SNTG1: variants seen among roughly 807,000 people sequenced by gnomAD.
SNTG1 encodes gamma-1-syntrophin.
SNTG1 carries 39 observed loss-of-function variants against 74.7 expected under a neutral mutation model. The ratio of observed to expected loss-of-function variants is 0.52; its 90% CI spans 0.40 to 0.68. SNTG1 has a LOEUF of 0.68. SNTG1 is among the 30% of genes least tolerant of loss of function. SNTG1 has a pLI of 0.00. For synonymous variants in SNTG1, 254 were observed against 217.1 expected (o/e 1.17, Z -1.49); for missense variants, 685 against 609.5 (o/e 1.12, Z -1.30).
chr8:50,622,546 T>C (rs2094930003), intron 13 of SNTG1, among the ~76,000 whole-genome samples: 1 of 152,196 alleles, frequency 6.6e-6, no homozygotes, highest in African/African-American at 2.4e-5. Context: ...TAGGGTAAAC[T>C]ATAAGTTCTC....
At chr8:50,078,378 G>A (rs1822094617) in intron 1 of SNTG1, among the ~76,000 whole-genome samples, 1 of 151,820 alleles carries the variant, frequency 6.6e-6, no homozygotes, top group South Asian at 2.1e-4. Context: ...CTTCTTCCCG[G>A]CATTCCATGA....
intron 10 of SNTG1, among the ~76,000 whole-genome samples, chr8:50,536,322 T>A (rs1385242800): frequency 6.6e-6 from 1 of 151,720 alleles, no homozygotes; most frequent in African/African-American, 2.4e-5. Flanking sequence ...TTTTATTTCT[T>A]CACTTAATTG....
chr8:50,276,146 C>G (rs753065557), intron 2 of SNTG1, among the ~76,000 whole-genome samples: 8 of 152,174 alleles, frequency 5.3e-5, no homozygotes, highest in Middle Eastern at 3.4e-3. Flanking sequence ...ACTAGGGAGA[C>G]AGCTGTGATT....
At chr8:50,299,716 C>T (rs1205433558) in intron 2 of SNTG1, among the ~76,000 whole-genome samples, 1 of 151,946 alleles carries the variant, frequency 6.6e-6, no homozygotes, top group East Asian at 1.9e-4. Flanking sequence ...TTGTACTAAA[C>T]CTTGTCTGTA....
At chr8:50,685,096 C>G (rs1161067154) in intron 15 of SNTG1, among the ~76,000 whole-genome samples, 1 of 151,682 alleles carries the variant, frequency 6.6e-6, no homozygotes. Flanking sequence ...TAAGCCATGA[C>G]GTGTAGATAG....
intron 1 of SNTG1, among the ~76,000 whole-genome samples, chr8:49,924,930 G>A (rs886536773): frequency 6.6e-6 from 1 of 151,926 alleles, no homozygotes; most frequent in Non-Finnish European, 1.5e-5. Context: ...CAGGAGGATC[G>A]CTTGAGGCCA....
chr8:50,302,562 C>A (rs2089698265), intron 2 of SNTG1, among the ~76,000 whole-genome samples: 1 of 152,048 alleles, frequency 6.6e-6, no homozygotes, highest in Non-Finnish European at 1.5e-5. Context: ...AGTGAATTTT[C>A]TTGAATAAAT....
intron 2 of SNTG1, among the ~76,000 whole-genome samples, chr8:50,381,592 G>GTGTGTATA (rs1217355515): frequency 7.2e-4 from 71 of 98,008 alleles, no homozygotes; most frequent in Non-Finnish European, 1.2e-3. Context: ...GTGTGTGTGT[G>GTGTGTATA]TATATATATA....
intron 15 of SNTG1, among the ~76,000 whole-genome samples, chr8:50,683,288 T>C (rs752583847): frequency 1.1e-4 from 16 of 152,188 alleles, no homozygotes; most frequent in Non-Finnish European, 1.8e-4. Flanking sequence ...GAAAGTTATT[T>C]GTATTTGCTT....
chr8:50,660,618 C>A (rs531549905), intron 15 of SNTG1, among the ~76,000 whole-genome samples: 1 of 152,048 alleles, frequency 6.6e-6, no homozygotes, highest in Non-Finnish European at 1.5e-5. Flanking sequence ...AGTAATAACG[C>A]AACACATATT....
rs200839847 is a variant in SNTG1, at chr8:50,651,231, TG to T, written c.850-5677del. Among the ~76,000 whole-genome samples, 49 of 150,782 alleles carry T rather than the reference TG, an allele frequency of 3.2e-4. 1 individual carries two copies. Among genetic ancestry groups the T allele is most frequent in the East Asian group, 5.8e-4 (3 of 5,132 alleles). On this transcript the variant is annotated intron_variant, in intron 13 of 18. Transcript: ENST00000642720. ...CTGCATCCAATACTTCCTTTTTTTTTGTTTTATTTTGGCTTTTGGGTCTCTC... is the reference window on the plus strand; with the variant it reads ...CTGCATCCAATACTTCCTTTTTTTTTTTTTATTTTGGCTTTTGGGTCTCTC...
chr8:50,118,008 G>C (rs548370023), intron 1 of SNTG1, among the ~76,000 whole-genome samples: 5 of 152,204 alleles, frequency 3.3e-5, no homozygotes, highest in African/African-American at 9.6e-5. Context: ...AGAAGACTGA[G>C]CACCCTCCTG....
chr8:50,090,477 A>G lies in SNTG1; in HGVS notation c.-102-82084A>G, dbSNP rs112750583. ...CTGTGTTCTCACAAAATCAAAGAGC[A>G]GCAGATTTAGAAAGATTCATCTGCA... On this transcript the variant is annotated intron_variant, in intron 1 of 18. Coordinates refer to ENST00000642720, the MANE Select transcript of SNTG1 (RefSeq NM_018967.5). 7.2e-5 allele frequency among the ~76,000 whole-genome samples: 11 copies of G among 152,282 alleles called. 1 individual carries two copies. The highest frequency in any genetic ancestry group is 2.4e-4 in the African/African-American group (10 of 41,582).
At chr8:50,684,740 C>CTTTTTTTTTTTTTTTATT (rs71235319) in intron 15 of SNTG1, among the ~76,000 whole-genome samples, 1 of 135,130 alleles carries the variant, frequency 7.4e-6, no homozygotes, top group Non-Finnish European at 1.6e-5. Context: ...TTTTTTTTTT[C>CTTTTTTTTTTTTTTTATT]TTTTTTTTTA....
chr8:50,392,477 G>T (rs1366985969), intron 2 of SNTG1, among the ~76,000 whole-genome samples: 3 of 152,122 alleles, frequency 2.0e-5, no homozygotes, highest in East Asian at 1.9e-4. Flanking sequence ...TGGCTCTTTG[G>T]CTATTATTCC....
Position 50,450,609 on chromosome 8 carries a change from T to G in SNTG1, c.321+10T>G, listed in dbSNP as rs752261460. ...AGATGCAATTCTACAGGTATACATTTTATCACTATATGTGTGGTCAAAACA... is the reference window on the plus strand; with the variant it reads ...AGATGCAATTCTACAGGTATACATTGTATCACTATATGTGTGGTCAAAACA... On this transcript the variant is annotated intron_variant, in intron 7 of 18. Coordinates refer to ENST00000642720, the MANE Select transcript of SNTG1 (RefSeq NM_018967.5). The G allele has an allele frequency of 2.0e-5, 32 of 1,613,438 alleles. No individual in the cohort carries two copies. Among genetic ancestry groups the G allele is most frequent in the Non-Finnish European group, 2.5e-5 (29 of 1,179,764 alleles).
chr8:50,001,782 T>C (rs1419424167), intron 1 of SNTG1, among the ~76,000 whole-genome samples: 2 of 152,172 alleles, frequency 1.3e-5, no homozygotes, highest in East Asian at 3.9e-4. Context: ...TCATAGCTTG[T>C]TCAAGGTTAA....
chr8:50,499,096 T>C (rs898485419), intron 8 of SNTG1, among the ~76,000 whole-genome samples: 2 of 151,808 alleles, frequency 1.3e-5, no homozygotes, highest in Non-Finnish European at 3.0e-5. Flanking sequence ...TTGGTTATCC[T>C]GGATTTTTTA....
At chr8:50,055,790 C>G (rs1418578452) in intron 1 of SNTG1, among the ~76,000 whole-genome samples, 2 of 152,062 alleles carry the variant, frequency 1.3e-5, no homozygotes. Context: ...CATTAGAAAA[C>G]AAGTCATTTG....
Sources: allele counts gnomAD v4.1 joint callset (sites outside exome capture counted in the v4.1 genomes callset), GRCh38; gene constraint gnomAD v4.1.1; transcripts MANE v1.5; gene names NCBI Gene and HGNC (gene_info 2026-07-23, HGNC 2026-07-21).